Variants in MTHFD2L observed in about 807,000 individuals in gnomAD.
MTHFD2L encodes bifunctional methylenetetrahydrofolate dehydrogenase/cyclohydrolase 2, mitochondrial.
Under a neutral mutation model 34.9 loss-of-function variants are expected in MTHFD2L, and 29 were observed. The ratio of observed to expected loss-of-function variants is 0.83; its 90% confidence interval spans 0.62 to 1.13. The LOEUF is 1.13. Ranked by LOEUF, MTHFD2L falls within the 50% of genes most tolerant of loss-of-function variation. MTHFD2L has a pLI of 0.00. For missense variants in MTHFD2L, 481 were observed against 446.5 expected (o/e 1.08, Z -0.70); for synonymous variants, 167 against 155.7 (o/e 1.07, Z -0.54).
chr4:74,287,796 G>C (rs1056693315), intron 7 of MTHFD2L, among the ~76,000 whole-genome samples: 1 of 152,208 alleles, frequency 6.6e-6, no homozygotes, highest in Non-Finnish European at 1.5e-5. Context: ...GAATTAGGGA[G>C]ACAGTCAATG....
chr4:74,242,422 A>G (rs1003679629), intron 6 of MTHFD2L, among the ~76,000 whole-genome samples: 7 of 152,306 alleles, frequency 4.6e-5, no homozygotes, highest in African/African-American at 1.4e-4. Flanking sequence ...AGTGTTTACA[A>G]TGTTTATTAT....
rs1371457582 is a variant in MTHFD2L, at chr4:74,117,596, T to C, written c.-144+2939T>C. 2.0e-5 allele frequency among the ~76,000 whole-genome samples: 3 copies of C among 152,228 alleles called. No individual in the cohort carries two copies. In the East Asian group the frequency reaches 5.8e-4, roughly 29 times the overall value. ...TATGCAGGATCTATATATAGATCAATAGCTTCCCTGAGCACATGTTCAAAG... is the reference window on the plus strand; with the variant it reads ...TATGCAGGATCTATATATAGATCAACAGCTTCCCTGAGCACATGTTCAAAG... On this transcript the variant is annotated intron_variant and NMD_transcript_variant, in intron 2 of 9. Transcript: ENST00000429519.
chr4:74,221,895 CTATT>C (rs1301312087), intron 5 of MTHFD2L, among the ~76,000 whole-genome samples: 19 of 151,752 alleles, frequency 1.3e-4, no homozygotes, highest in Middle Eastern at 3.4e-3. Flanking sequence ...TCTTAATTCT[CTATT>C]TATTTATAGG....
At chr4:74,163,866 TTTTG>T (rs1241331866) in intron 1 of MTHFD2L, among the ~76,000 whole-genome samples, 3 of 152,102 alleles carry the variant, frequency 2.0e-5, no homozygotes, top group East Asian at 1.9e-4. Context: ...TTTCGTCTTT[TTTTG>T]TTTGTTTGTT....
chr4:74,202,009 A>G (rs1734524701), intron 5 of MTHFD2L, among the ~76,000 whole-genome samples: 1 of 152,086 alleles, frequency 6.6e-6, no homozygotes, highest in Admixed American at 6.6e-5. Flanking sequence ...TGTCCCACAG[A>G]CCCTGACCCA....
chr4:74,186,598 A>G (rs1032134538), intron 3 of MTHFD2L, among the ~76,000 whole-genome samples: 2 of 152,090 alleles, frequency 1.3e-5, no homozygotes, highest in African/African-American at 4.8e-5. Flanking sequence ...CAAAAATATG[A>G]AATCCTTAGG....
intron 6 of MTHFD2L, among the ~76,000 whole-genome samples, chr4:74,226,696 A>T (rs1739222687): frequency 6.6e-6 from 1 of 152,166 alleles, no homozygotes; most frequent in Non-Finnish European, 1.5e-5. Context: ...ATTCAATTGA[A>T]TACTAAATTC....
intron 1 of MTHFD2L, among the ~76,000 whole-genome samples, chr4:74,132,515 A>G (rs192209791): frequency 3.9e-4 from 59 of 152,252 alleles, no homozygotes; most frequent in Admixed American, 2.0e-4. Flanking sequence ...ACATGTTCTC[A>G]CTCATAAGTG....
chr4:74,274,951 T>A (rs1302382216), intron 6 of MTHFD2L, among the ~76,000 whole-genome samples: 2 of 152,202 alleles, frequency 1.3e-5, no homozygotes, highest in Non-Finnish European at 2.9e-5. Context: ...CTTTATTTTT[T>A]AATTTTTCTA....
intron 6 of MTHFD2L, among the ~76,000 whole-genome samples, chr4:74,235,184 C>T (rs1324715751): frequency 6.6e-6 from 1 of 152,068 alleles, no homozygotes; most frequent in Non-Finnish European, 1.5e-5. Flanking sequence ...TAATTAGAAG[C>T]ACTGAAATAA....
chr4:74,254,085 C>T (rs555689916), intron 6 of MTHFD2L, among the ~76,000 whole-genome samples: 39 of 152,102 alleles, frequency 2.6e-4, no homozygotes, highest in African/African-American at 6.3e-4. Context: ...CATTTGGGGA[C>T]GTCTAGAAGA....
intron 1 of MTHFD2L, chr4:74,161,188 T>G (rs992864747): frequency 6.6e-6 from 1 of 152,238 alleles, no homozygotes; most frequent in Non-Finnish European, 1.5e-5. Flanking sequence ...TCTACATTTT[T>G]GGAACTAGTA....
At position 74,200,950 on chromosome 4, in the gene MTHFD2L, AT is replaced by A. The variant is rs1734313829; in HGVS notation, c.605-312del. Among the ~76,000 whole-genome samples, 6 of 152,226 alleles carry A rather than the reference AT, an allele frequency of 3.9e-5. No homozygotes were observed. In the South Asian group the frequency reaches 1.2e-3, roughly 32 times the overall value. On this transcript the variant is annotated intron_variant, in intron 4 of 7. Transcript: ENST00000325278. The stretch of plus-strand genomic sequence containing the variant: ...GACATTGTTGTACTTTGCTTTTTTT[AT>A]AAGCAGTTAATATATGTTAAAACTC...
At chr4:74,116,242 C>A (rs188962368) in intron 2 of MTHFD2L, among the ~76,000 whole-genome samples, 28 of 152,260 alleles carry the variant, frequency 1.8e-4, no homozygotes, top group African/African-American at 6.5e-4. Flanking sequence ...TACCTGGGAG[C>A]CAGTCTCACA....
At chr4:74,163,411 C>A (rs188930355) in intron 1 of MTHFD2L, among the ~76,000 whole-genome samples, 282 of 152,318 alleles carry the variant, frequency 1.9e-3, no homozygotes, top group Non-Finnish European at 3.1e-3. Context: ...AGCTTAGCAT[C>A]TAAGGTTCTT....
chr4:74,146,083 T>A (rs1296404285), intron 1 of MTHFD2L, among the ~76,000 whole-genome samples: 1 of 152,172 alleles, frequency 6.6e-6, no homozygotes, highest in East Asian at 1.9e-4. Context: ...CTAAAATGGT[T>A]AATAAACAGA....
intron 7 of MTHFD2L, among the ~76,000 whole-genome samples, chr4:74,287,834 G>C (rs1189480872): frequency 6.6e-6 from 1 of 152,186 alleles, no homozygotes; most frequent in Non-Finnish European, 1.5e-5. Context: ...TTCATTCAGG[G>C]ATACTGTTTT....
chr4:74,299,862 A>C (rs1412440645), intron 7 of MTHFD2L, among the ~76,000 whole-genome samples: 4 of 152,022 alleles, frequency 2.6e-5, no homozygotes, highest in Admixed American at 2.6e-4. Context: ...GGTAGGTATA[A>C]AATTATTGGA....
At chr4:74,133,809 C>T (rs1436701139) in intron 1 of MTHFD2L, among the ~76,000 whole-genome samples, 1 of 151,872 alleles carries the variant, frequency 6.6e-6, no homozygotes, top group East Asian at 1.9e-4. Flanking sequence ...TTTCTAATCC[C>T]AAAATGGCAG....
Sources: allele counts gnomAD v4.1 joint callset (sites outside exome capture counted in the v4.1 genomes callset), GRCh38; gene constraint gnomAD v4.1.1; transcripts MANE v1.5; gene names NCBI Gene and HGNC (gene_info 2026-07-23, HGNC 2026-07-21).